The following NKAIN2 variants were observed in gnomAD, a reference collection of about 807,000 sequenced individuals.
NKAIN2 encodes the protein sodium/potassium transporting ATPase interacting 2, also known as sodium/potassium-transporting ATPase subunit beta-1-interacting protein 2.
A neutral mutation model predicts 32.6 loss-of-function variants in NKAIN2; 14 were observed. That is an observed-to-expected ratio of 0.43 (90% confidence interval 0.28 to 0.67). The LOEUF (loss-of-function observed/expected upper bound fraction) is 0.67, where lower values mean the gene tolerates loss of function less well. NKAIN2 is among the 30% of genes least tolerant of loss of function. The probability of loss-of-function intolerance (pLI) is 0.17; values close to 1 mark genes in which losing one functional copy is unlikely to be tolerated. For synonymous variants in NKAIN2, 80 were observed against 87.2 expected, an observed-to-expected ratio of 0.92 and a Z score of 0.46; for missense variants, 198 against 258.3, an observed-to-expected ratio of 0.77 and a Z score of 1.60.
At chr6:124,461,411 G>A (rs944240708) in intron 3 of NKAIN2, among the ~76,000 whole-genome samples, 2 of 151,694 alleles carry the variant, frequency 1.3e-5, no homozygotes, top group African/African-American at 4.8e-5. Flanking sequence ...TCCTATACAC[G>A]TTTTACTTTT....
chr6:123,873,683 T>G (rs1164463096), intron 1 of NKAIN2, among the ~76,000 whole-genome samples: 1 of 152,100 alleles, frequency 6.6e-6, no homozygotes, highest in Admixed American at 6.6e-5. Flanking sequence ...AGGTTATATT[T>G]ATGGAGAATA....
intron 4 of NKAIN2, among the ~76,000 whole-genome samples, chr6:124,664,853 C>T (rs1290621295): frequency 8.0e-6 from 1 of 125,100 alleles, no homozygotes; most frequent in East Asian, 2.4e-4. Context: ...AAAACATTAG[C>T]ACAAGCAGTG....
intron 1 of NKAIN2, among the ~76,000 whole-genome samples, chr6:124,037,179 G>A (rs535819840): frequency 2.0e-5 from 3 of 152,040 alleles, no homozygotes; most frequent in East Asian, 1.9e-4. Context: ...AAGGAAAACC[G>A]ATCAGAGAGT....
At chr6:124,142,115 A>G (rs1787174902) in intron 1 of NKAIN2, among the ~76,000 whole-genome samples, 1 of 152,144 alleles carries the variant, frequency 6.6e-6, no homozygotes, top group African/African-American at 2.4e-5. Context: ...GATGTATACT[A>G]GGGTTGCAGT....
chr6:124,415,487 A>G (rs1426845089), intron 3 of NKAIN2, among the ~76,000 whole-genome samples: 1 of 152,270 alleles, frequency 6.6e-6, no homozygotes, highest in Admixed American at 6.5e-5. Context: ...TCAGCTATCC[A>G]GAAGTATCCA....
At chr6:124,150,506 C>T (rs182163572) in intron 1 of NKAIN2, among the ~76,000 whole-genome samples, 84 of 152,086 alleles carry the variant, frequency 5.5e-4, no homozygotes, top group African/African-American at 2.0e-3. Flanking sequence ...GTGCTCATGC[C>T]ACATCCTATT....
intron 1 of NKAIN2, among the ~76,000 whole-genome samples, chr6:124,219,665 A>G (rs1040069666): frequency 2.6e-5 from 4 of 152,054 alleles, no homozygotes; most frequent in African/African-American, 9.7e-5. Context: ...TTCATAAGAA[A>G]TACTATGTTA....
At chr6:124,559,976 C>T (rs528782402) in intron 3 of NKAIN2, among the ~76,000 whole-genome samples, 63 of 150,110 alleles carry the variant, frequency 4.2e-4, no homozygotes, top group African/African-American at 1.5e-3. Context: ...GCCAGCACAA[C>T]GTTAACACCC....
chr6:124,443,725 A>T lies in NKAIN2; in HGVS notation c.273+88378A>T, dbSNP rs750354318. ...TACAGTAGTTCTTACCCCACACATC[A>T]GGAAACGTGTCATAAATTTGTAACT... On this transcript the variant is annotated intron_variant, in intron 3 of 6. Transcript: ENST00000368417. 2.0e-5 allele frequency among the ~76,000 whole-genome samples: 3 copies of T among 152,134 alleles called. 1 individual carries two copies. In the South Asian group the frequency reaches 6.2e-4, roughly 31 times the overall value.
intron 1 of NKAIN2, among the ~76,000 whole-genome samples, chr6:124,160,755 G>A (rs1221970451): frequency 6.6e-6 from 1 of 152,092 alleles, no homozygotes; most frequent in Non-Finnish European, 1.5e-5. Flanking sequence ...AAATATGCAT[G>A]TATTAAAAAT....
chr6:124,523,457 A>G (rs994562039), intron 3 of NKAIN2, among the ~76,000 whole-genome samples: 20 of 151,514 alleles, frequency 1.3e-4, no homozygotes, highest in African/African-American at 4.8e-4. Flanking sequence ...CCATTTTCGC[A>G]CTTTTCCCCA....
At chr6:124,614,839 C>T (rs1257724386) in intron 3 of NKAIN2, among the ~76,000 whole-genome samples, 1 of 152,174 alleles carries the variant, frequency 6.6e-6, no homozygotes, top group Non-Finnish European at 1.5e-5. Context: ...TCAAAAACTG[C>T]TCTTCGTTTC....
intron 3 of NKAIN2, among the ~76,000 whole-genome samples, chr6:124,553,172 C>T (rs1446829591): frequency 6.6e-6 from 1 of 152,180 alleles, no homozygotes; most frequent in African/African-American, 2.4e-5. Context: ...AGCAATGAAT[C>T]GTTATTGGAA....
intron 4 of NKAIN2, among the ~76,000 whole-genome samples, chr6:124,761,517 A>G (rs1778265295): frequency 6.6e-6 from 1 of 152,164 alleles, no homozygotes; most frequent in Non-Finnish European, 1.5e-5. Context: ...ACTTTTCTCC[A>G]GATTGCATAA....
intron 4 of NKAIN2, among the ~76,000 whole-genome samples, chr6:124,724,266 A>C (rs1366477035): frequency 6.6e-6 from 1 of 152,138 alleles, no homozygotes; most frequent in Non-Finnish European, 1.5e-5. Context: ...GACAAACCAG[A>C]GCACAGCACA....
intron 1 of NKAIN2, among the ~76,000 whole-genome samples, chr6:123,901,446 T>C (rs964837146): frequency 6.6e-6 from 1 of 152,196 alleles, no homozygotes; most frequent in African/African-American, 2.4e-5. Context: ...ATTTCATAAA[T>C]TCCAGAATAA....
chr6:123,914,535 C>T (rs2114470079), intron 1 of NKAIN2, among the ~76,000 whole-genome samples: 1 of 152,220 alleles, frequency 6.6e-6, no homozygotes, highest in South Asian at 2.1e-4. Flanking sequence ...GTTGGAGCTT[C>T]AACGTACAAA....
chr6:124,750,523 G>A (rs189594595), intron 4 of NKAIN2, among the ~76,000 whole-genome samples: 1 of 151,842 alleles, frequency 6.6e-6, no homozygotes, highest in African/African-American at 2.4e-5. Context: ...ATGGATGGAT[G>A]GATGGATGGA....
chr6:124,801,196 T>TA (rs1267027709), intron 5 of NKAIN2, among the ~76,000 whole-genome samples: 3 of 152,172 alleles, frequency 2.0e-5, no homozygotes, highest in Non-Finnish European at 4.4e-5. Context: ...ACTCACTTAG[T>TA]AAAATCAATG....
Sources: allele counts gnomAD v4.1 joint callset (sites outside exome capture counted in the v4.1 genomes callset), GRCh38; gene constraint gnomAD v4.1.1; transcripts MANE v1.5; gene names NCBI Gene and HGNC (gene_info 2026-07-23, HGNC 2026-07-21).